Variants in LRRC37A2 observed in about 807,000 individuals in gnomAD.
The protein encoded by LRRC37A2 is leucine rich repeat containing 37 member A2.
A neutral mutation model predicts 68.8 loss-of-function variants in LRRC37A2; 9 were observed. That is an observed-to-expected ratio of 0.13 (90% CI 0.08 to 0.23). LRRC37A2 has a LOEUF of 0.23. LRRC37A2 is among the 10% of genes least tolerant of loss of function. LRRC37A2 has a pLI of 1.00. For missense variants in LRRC37A2, 168 were observed against 950.4 expected, an observed-to-expected ratio of 0.18 and a Z score of 10.82; for synonymous variants, 63 against 367.6, an observed-to-expected ratio of 0.17 and a Z score of 9.48.
the LRRC37A2 span, among the ~76,000 whole-genome samples, chr17:46,622,637 A>T: frequency 7.1e-6 from 1 of 141,072 alleles, no homozygotes; most frequent in African/African-American, 2.8e-5. Flanking sequence ...TTCAAAAATT[A>T]GCTGGAGCAT....
intron 8 of LRRC37A2, among the ~76,000 whole-genome samples, chr17:46,545,739 C>G (rs368068624): frequency 7.3e-6 from 1 of 136,382 alleles, no homozygotes; most frequent in Admixed American, 7.3e-5. Flanking sequence ...TATGTGGTAA[C>G]TTATTGTTGT....
the LRRC37A2 span, among the ~76,000 whole-genome samples, chr17:46,854,555 C>G: frequency 3.9e-5 from 6 of 152,284 alleles, no homozygotes; most frequent in East Asian, 1.2e-3. Flanking sequence ...CCCCAAACCC[C>G]AAACCACAGT....
At chr17:46,931,982 G>T in the LRRC37A2 span, 1 of 1,216,418 alleles carries the variant, frequency 8.2e-7, no homozygotes, top group Non-Finnish European at 1.2e-6. Context: ...AGGAAACGCC[G>T]TCTTTCCTCA....
chr17:46,722,460 T>C, the LRRC37A2 span, among the ~76,000 whole-genome samples: 4 of 152,210 alleles, frequency 2.6e-5, no homozygotes, highest in Non-Finnish European at 1.5e-5. Context: ...TTCTCGCATC[T>C]TTCTTTCCAG....
At chr17:46,816,363 C>T in the LRRC37A2 span, among the ~76,000 whole-genome samples, 9 of 152,120 alleles carry the variant, frequency 5.9e-5, no homozygotes, top group African/African-American at 2.2e-4. Context: ...CCCCAACACG[C>T]CCACACGATT....
At chr17:46,708,316 C>T in the LRRC37A2 span, among the ~76,000 whole-genome samples, 1 of 152,230 alleles carries the variant, frequency 6.6e-6, no homozygotes, top group African/African-American at 2.4e-5. Flanking sequence ...ACCAGTGGTG[C>T]ACAAAAATTC....
At chr17:46,766,146 C>A in the LRRC37A2 span, among the ~76,000 whole-genome samples, 1 of 152,180 alleles carries the variant, frequency 6.6e-6, no homozygotes, top group Non-Finnish European at 1.5e-5. Flanking sequence ...CGGTGGCTCA[C>A]GCCTGTAATC....
the LRRC37A2 span, chr17:47,019,840 C>T: frequency 8.3e-7 from 1 of 1,209,118 alleles, no homozygotes; most frequent in Admixed American, 1.7e-5. Flanking sequence ...TGTGTCCTGC[C>T]TGACATGGCA....
the LRRC37A2 span, among the ~76,000 whole-genome samples, chr17:46,965,538 C>G: frequency 6.6e-6 from 1 of 152,202 alleles, no homozygotes; most frequent in African/African-American, 2.4e-5. Context: ...TCAACGTGAC[C>G]TAATCTGCCA....
At chr17:46,749,008 G>T in the LRRC37A2 span, among the ~76,000 whole-genome samples, 1 of 152,142 alleles carries the variant, frequency 6.6e-6, no homozygotes, top group African/African-American at 2.4e-5. Context: ...TGGGGGAAGG[G>T]GGGTAGTGCA....
chr17:46,831,155 T>A, the LRRC37A2 span, among the ~76,000 whole-genome samples: 1 of 152,136 alleles, frequency 6.6e-6, no homozygotes. Flanking sequence ...CACCGGAACA[T>A]GGGACAACAG....
At chr17:46,917,387 C>T in the LRRC37A2 span, 2 of 152,216 alleles carry the variant, frequency 1.3e-5, no homozygotes, top group African/African-American at 2.4e-5. Flanking sequence ...GTAACTGGTC[C>T]CAAGTAAGTC....
the LRRC37A2 span, among the ~76,000 whole-genome samples, chr17:46,471,395 C>T: frequency 1.6e-5 from 1 of 62,308 alleles, no homozygotes; most frequent in African/African-American, 4.5e-5. Context: ...CGCCTGTAAT[C>T]TCAGCACTTT....
chr17:46,879,391 A>T, the LRRC37A2 span, among the ~76,000 whole-genome samples: 1 of 152,122 alleles, frequency 6.6e-6, no homozygotes, highest in Admixed American at 6.5e-5. Flanking sequence ...CCTCCTTGTG[A>T]TGTTTTTGTA....
the LRRC37A2 span, among the ~76,000 whole-genome samples, chr17:46,915,689 C>G: frequency 2.6e-5 from 4 of 152,224 alleles, no homozygotes; most frequent in Non-Finnish European, 4.4e-5. Context: ...CTGGGATCAT[C>G]CCAGTTGGTT....
chr17:46,978,370 G>T, the LRRC37A2 span: 4 of 438,942 alleles, frequency 9.1e-6, no homozygotes, highest in Non-Finnish European at 1.2e-5. Flanking sequence ...ACCCTGCCCC[G>T]AACGTCTTAA....
the LRRC37A2 span, among the ~76,000 whole-genome samples, chr17:46,497,866 A>T: frequency 2.0e-5 from 3 of 149,136 alleles, no homozygotes; most frequent in African/African-American, 7.7e-5. Flanking sequence ...CTTACATGTG[A>T]TAGTCCTCAG....
At chr17:46,910,304 G>A in the LRRC37A2 span, 6 of 152,202 alleles carry the variant, frequency 3.9e-5, no homozygotes, top group African/African-American at 7.2e-5. Context: ...GTCCTGTGGC[G>A]CTCTCCTGGG....
At chr17:46,859,768 T>C in the LRRC37A2 span, among the ~76,000 whole-genome samples, 1 of 152,224 alleles carries the variant, frequency 6.6e-6, no homozygotes, top group Non-Finnish European at 1.5e-5. Context: ...ATTGAATCTA[T>C]ACATCAGTTC....
Sources: gnomAD v4.1 joint callset for allele counts (sites outside exome capture counted in the v4.1 genomes callset) on GRCh38, gnomAD v4.1.1 for gene constraint, MANE v1.5 for transcripts, NCBI Gene and HGNC (gene_info 2026-07-23, HGNC 2026-07-21) for gene names.